The following MGRN1 variants were observed in gnomAD, a reference collection of about 807,000 sequenced individuals.
MGRN1 encodes the protein mahogunin ring finger 1.
In MGRN1, 29 loss-of-function variants were observed where a neutral mutation model predicts 69.2. That is an observed-to-expected ratio of 0.42 (90% CI 0.31 to 0.57). The LOEUF (loss-of-function observed/expected upper bound fraction) is 0.57. Ranked by LOEUF, MGRN1 falls within the 20% of genes least tolerant of loss-of-function variation. MGRN1 has a pLI of 0.15. For missense variants in MGRN1, 998 were observed against 796.2 expected (o/e 1.25, Z -3.05); for synonymous variants, 470 against 344.2 (o/e 1.37, Z -4.04).
intron 5 of MGRN1, among the ~76,000 whole-genome samples, chr16:4,659,912 C>T (rs112461037): frequency 2.0e-5 from 3 of 152,194 alleles, no homozygotes; most frequent in East Asian, 3.9e-4. Flanking sequence ...TGCTCCAGCG[C>T]GTGGCCATCC....
At chr16:4,679,820 G>T (rs189544797) in intron 11 of MGRN1, among the ~76,000 whole-genome samples, 47 of 152,266 alleles carry the variant, frequency 3.1e-4, no homozygotes, top group African/African-American at 1.1e-3. Context: ...CACTGCAGCA[G>T]CACAGCTCCC....
Position 4,683,922 on chromosome 16 carries a change from C to T in MGRN1, c.1608C>T (p.Ile536=). 2 of 1,608,010 alleles carry T rather than the reference C, an allele frequency of 1.2e-6. No individual in the cohort carries two copies. The highest frequency in any genetic ancestry group is 1.7e-6 in the Non-Finnish European group (2 of 1,177,486). The change falls in exon 16 of 17, where the codon ATC becomes ATT. Residue 536 remains isoleucine, a synonymous_variant. Coordinates refer to ENST00000262370, the MANE Select transcript of MGRN1 (RefSeq NM_015246.4). ...GTGGCCGAGGCCCACCTGCTGACAT[C>T]TACCTGCCAGGTAAGGGGCTGGGGG... The part of the protein sequence containing the change: ...EHCGRGPPAD[I]YLPGRPTSME...
At chr16:4,673,387 A>G (rs1163914049) in intron 9 of MGRN1, 111 bp from the exon 10 acceptor site, 2 of 1,415,554 alleles carry the variant, frequency 1.4e-6, no homozygotes, top group South Asian at 1.3e-5. Context: ...TCTCTTTGTC[A>G]TGACAGCCCC....
intron 1 of MGRN1, among the ~76,000 whole-genome samples, chr16:4,643,564 G>A (rs1039572191): frequency 6.6e-6 from 1 of 151,844 alleles, no homozygotes; most frequent in African/African-American, 2.4e-5. Flanking sequence ...AGTAGAGACG[G>A]GGTTTCACCG....
At chr16:4,644,070 C>T (rs1256501378) in intron 1 of MGRN1, among the ~76,000 whole-genome samples, 1 of 151,910 alleles carries the variant, frequency 6.6e-6, no homozygotes, top group Non-Finnish European at 1.5e-5. Context: ...CTCTGCCTCC[C>T]AGATGCAAGC....
chr16:4,643,407 T>G (rs943517367), intron 1 of MGRN1, among the ~76,000 whole-genome samples: 13 of 149,792 alleles, frequency 8.7e-5, no homozygotes, highest in African/African-American at 2.9e-4. Flanking sequence ...TGCTTGATTT[T>G]TTTTTTTTTT....
At chr16:4,662,656 C>T (rs2078709149) in intron 5 of MGRN1, among the ~76,000 whole-genome samples, 1 of 152,224 alleles carries the variant, frequency 6.6e-6, no homozygotes, top group Non-Finnish European at 1.5e-5. Flanking sequence ...GTATTGACCC[C>T]ATTTTACAAG....
At chr16:4,665,360 T>C (rs1057267989) in intron 7 of MGRN1, among the ~76,000 whole-genome samples, 3 of 148,458 alleles carry the variant, frequency 2.0e-5, no homozygotes, top group African/African-American at 7.7e-5. Context: ...GCTTAGCATT[T>C]CCTTTTTTTT....
chr16:4,674,243 C>T (rs1046356070), intron 10 of MGRN1, among the ~76,000 whole-genome samples: 1 of 152,172 alleles, frequency 6.6e-6, no homozygotes, highest in African/African-American at 2.4e-5. Flanking sequence ...CTCAGCCTCT[C>T]AAAGTGCTGG....
In MGRN1 at chr16:4,627,501, C is replaced by T. The variant is rs1333112612; in HGVS notation, c.88+2453C>T. Among the ~76,000 whole-genome samples, 8 of 152,360 alleles carry T rather than the reference C, an allele frequency of 5.3e-5. No individual in the cohort carries two copies. The East Asian group carries it at 1.2e-3, about 22-fold the overall frequency. ...TAGTTAAATTATAGAATTGTGCAGT[C>T]GTCTGGCCAGGCGCGGTGGCTCACG... On this transcript the variant is annotated intron_variant, in intron 1 of 16. Transcript: ENST00000262370.
intron 16 of MGRN1, chr16:4,687,922 G>T (rs2079369778): frequency 1.0e-6 from 1 of 985,580 alleles, no homozygotes; most frequent in Non-Finnish European, 1.2e-6. Context: ...TATACCCCTA[G>T]ATTGAAACAG....
At chr16:4,644,778 T>A (rs1324839966) in intron 1 of MGRN1, among the ~76,000 whole-genome samples, 1 of 152,168 alleles carries the variant, frequency 6.6e-6, no homozygotes. Context: ...TCCAGTTAAG[T>A]TTTTTTGAGG....
chr16:4,668,031 C>A (rs2078844400), intron 7 of MGRN1, among the ~76,000 whole-genome samples: 1 of 151,946 alleles, frequency 6.6e-6, no homozygotes, highest in South Asian at 2.1e-4. Flanking sequence ...GGTCCCCGGG[C>A]TGTGTGTTCT....
chr16:4,679,622 C>G (rs946771989), intron 11 of MGRN1, among the ~76,000 whole-genome samples: 2 of 152,192 alleles, frequency 1.3e-5, no homozygotes, highest in African/African-American at 4.8e-5. Context: ...AAGTGAGCGG[C>G]GGTGCCTGGG....
chr16:4,629,152 G>GTGTA (rs1358765164), intron 1 of MGRN1, among the ~76,000 whole-genome samples: 1 of 130,740 alleles, frequency 7.6e-6, no homozygotes, highest in Non-Finnish European at 1.6e-5. Flanking sequence ...CTGTTCGTAT[G>GTGTA]TGTGTGTGTG....
At chr16:4,625,858 G>T (rs1476652648) in intron 1 of MGRN1, among the ~76,000 whole-genome samples, 1 of 152,218 alleles carries the variant, frequency 6.6e-6, no homozygotes, top group Non-Finnish European at 1.5e-5. Flanking sequence ...AAGGAGAGAA[G>T]GAAGAGGAGA....
chr16:4,677,836 CTTT>C (rs747139466), intron 11 of MGRN1, among the ~76,000 whole-genome samples: 13 of 111,964 alleles, frequency 1.2e-4, no homozygotes, highest in African/African-American at 2.1e-4. Context: ...GAGCCAGGTG[CTTT>C]TTTTTTTTTT....
At chr16:4,687,609 G>T (rs1325600183) in intron 16 of MGRN1, 14 of 434,308 alleles carry the variant, frequency 3.2e-5, no homozygotes, top group Non-Finnish European at 1.4e-5. Context: ...ACACACACAC[G>T]GGGGAGAGAG....
At position 4,664,733 on chromosome 16, in the gene MGRN1, G is replaced by T. The variant is rs369031220; in HGVS notation, c.586G>T (p.Val196Leu). 6.2e-7 allele frequency: 1 copy of T among 1,614,106 alleles called. No homozygotes were observed. Among genetic ancestry groups the T allele is most frequent in the Non-Finnish European group, 8.5e-7 (1 of 1,180,054 alleles). ...DELNFDLDRG[V>L]FPVVIQAVVD... ...GCTGAACTTTGACCTGGACCGGGGCGTGTTTCCAGTAGTCATCCAGGCTGT... is the reference window on the plus strand; with the variant it reads ...GCTGAACTTTGACCTGGACCGGGGCTTGTTTCCAGTAGTCATCCAGGCTGT... Residue 196 changes from valine (V) to leucine (L), a missense_variant, in exon 6 of 17, where the codon GTG (valine) becomes TTG (leucine). Val to Leu is a conservative substitution (Grantham distance 32, BLOSUM62 1). Coordinates refer to ENST00000262370, the MANE Select transcript of MGRN1 (RefSeq NM_015246.4).
Sources: allele counts gnomAD v4.1 joint callset (sites outside exome capture counted in the v4.1 genomes callset), GRCh38; gene constraint gnomAD v4.1.1; transcripts MANE v1.5; gene names NCBI Gene and HGNC (gene_info 2026-07-23, HGNC 2026-07-21).